SART1: variants seen among roughly 807,000 people sequenced by gnomAD.
SART1 encodes U4/U6.U5 tri-snRNP-associated protein 1.
Under a neutral mutation model 105.0 loss-of-function variants are expected in SART1, and 28 were observed. The observed-to-expected ratio is 0.27, with a 90% CI of 0.20 to 0.37. The LOEUF is 0.37. SART1 is among the 10% of genes least tolerant of loss of function. SART1 has a pLI of 1.00. For missense variants in SART1, 894 were observed against 1,106.5 expected, an observed-to-expected ratio of 0.81 and a Z score of 2.72; for synonymous variants, 472 against 462.9, an observed-to-expected ratio of 1.02 and a Z score of -0.25.
At chr11:65,969,613 G>T (rs1033060600) in intron 12 of SART1, among the ~76,000 whole-genome samples, 1 of 152,162 alleles carries the variant, frequency 6.6e-6, no homozygotes, top group African/African-American at 2.4e-5. Context: ...GTGGGTCTCA[G>T]TGTGTTGCCC....
At chr11:65,967,629 C>A (rs781635200) in intron 11 of SART1, 43 bp downstream of exon 11, 1 of 1,601,050 alleles carries the variant, frequency 6.2e-7, no homozygotes, top group East Asian at 2.3e-5. Flanking sequence ...GGACAGGAGC[C>A]GCGGGTTGGA....
intron 16 of SART1, 51 bp downstream of exon 16, chr11:65,977,704 GC>G (rs768391119): frequency 6.2e-7 from 1 of 1,613,952 alleles, no homozygotes; most frequent in South Asian, 1.1e-5. Context: ...CCAGCTTGGA[GC>G]TTCGGGACCA....
At position 65,978,514 on chromosome 11, in the gene SART1, C is replaced by T. The variant is rs11227369; in HGVS notation, c.2173-86C>T. On this transcript the variant is annotated intron_variant, in intron 17 of 19. Coordinates refer to ENST00000312397, the MANE Select transcript of SART1 (RefSeq NM_005146.5). This position sits in a 1 kb window ranked among gnomAD's most constrained non-coding sequence, Gnocchi z 6.8. ...CCTGGCATTGGGGTCAATCAACACC[C>T]GCCCTGTTATTATACACCTTGTGGG... 4.4e-3 allele frequency: 5,913 copies of T among 1,329,896 alleles called. 188 individuals carry two copies. The East Asian group carries it at 0.091, about 20-fold the overall frequency. The allele number at this position is 1,329,896 out of a possible 1,614,324, so 82.4% of individuals were successfully genotyped here. A position where few individuals can be genotyped will look rare whatever the true frequency, so the allele number is the denominator to read the frequency against.
In SART1 at chr11:65,967,605, G is replaced by A. The variant is rs370163896; in HGVS notation, c.1429+19G>A. ...GATGAGGGTGAGGGCCCGGCCAGGG[G>A]GTGGGAGGGGCAGGGACAGGAGCCG... is the stretch of plus-strand genomic sequence containing the variant. On this transcript the variant is annotated intron_variant, in intron 11 of 19. Transcript: ENST00000312397. 1 of 1,609,564 alleles carries A rather than the reference G, an allele frequency of 6.2e-7. No homozygotes were observed. The highest frequency in any genetic ancestry group is 8.5e-7 in the Non-Finnish European group (1 of 1,178,656).
chr11:65,976,593 C>G lies in SART1; in HGVS notation c.1746+25C>G, dbSNP rs1232917499. 5.6e-6 allele frequency: 9 copies of G among 1,613,578 alleles called. No homozygotes were observed. Among genetic ancestry groups the G allele is most frequent in the Admixed American group, 1.7e-5 (1 of 59,992 alleles). The stretch of plus-strand genomic sequence containing the variant: ...GGTGCGTCTGGGGCGGCCCCGCCCT[C>G]TGCTTCCCTCGGCTGGGTGGGCTGG... On this transcript the variant is annotated intron_variant, in intron 13 of 19. Transcript: ENST00000312397. This position sits in a 1 kb window ranked among gnomAD's most constrained non-coding sequence, Gnocchi z 5.1.
In SART1 at chr11:65,967,451, G is replaced by A; in HGVS notation, c.1314-20G>A. On this transcript the variant is annotated intron_variant, in intron 10 of 19. Coordinates refer to ENST00000312397, the MANE Select transcript of SART1 (RefSeq NM_005146.5). Reference sequence around the variant, plus strand: ...GTGGCCTGGGGACCGGTGCTCACCAGAGAGGCCTCCTTCCCTCAGACTGCG... The same window carrying A: ...GTGGCCTGGGGACCGGTGCTCACCAAAGAGGCCTCCTTCCCTCAGACTGCG... The A allele has an allele frequency of 1.2e-6, 2 of 1,613,758 alleles. No individual in the cohort carries two copies. Among genetic ancestry groups the A allele is most frequent in the Non-Finnish European group, 1.7e-6 (2 of 1,179,884 alleles).
In SART1 at chr11:65,962,107, G is replaced by A; in HGVS notation, c.313+14G>A. The A allele has an allele frequency of 2.6e-6, 3 of 1,142,086 alleles. No individual in the cohort carries two copies. Among genetic ancestry groups the A allele is most frequent in the Non-Finnish European group, 3.4e-6 (3 of 880,234 alleles). The allele number at this position is 1,142,086 out of a possible 1,614,324, so 70.7% of individuals were successfully genotyped here. ...GCTACGAGGCCGGTGAGGAGGCGGG[G>A]CCTGCGCAGGGGGCGGGTCGGGCGG... On this transcript the variant is annotated intron_variant, in intron 1 of 19. Transcript: ENST00000312397.
chr11:65,964,635 G>C (rs1855210244), intron 3 of SART1, 65 bp downstream of exon 3: 1 of 1,536,702 alleles, frequency 6.5e-7, no homozygotes, highest in Admixed American at 2.0e-5. Context: ...TTTGAAGAAG[G>C]TGGGGTTAGA....
rs1319789302 is a variant in SART1, at chr11:65,963,946, T to G, written c.314-128T>G. ...GGAGCTTGGGTGGAAGAAGCTGCTGTTTTCTGGTGTTTCAGCAGGCCCAGG... is the reference window on the plus strand; with the variant it reads ...GGAGCTTGGGTGGAAGAAGCTGCTGGTTTCTGGTGTTTCAGCAGGCCCAGG... On this transcript the variant is annotated intron_variant, in intron 1 of 19. Transcript: ENST00000312397. 6.9e-6 allele frequency: 5 copies of G among 729,640 alleles called. No individual in the cohort carries two copies. The East Asian group carries it at 1.3e-4, about 20-fold the overall frequency. The allele number at this position is 729,640 out of a possible 1,614,324, so 45.2% of individuals were successfully genotyped here. A position where few individuals can be genotyped will look rare whatever the true frequency, so the allele number is the denominator to read the frequency against.
At chr11:65,964,037 G>A (rs1341721648) in intron 1 of SART1, 37 bp from the exon 2 acceptor site, 1 of 1,602,224 alleles carries the variant, frequency 6.2e-7, no homozygotes, top group East Asian at 2.2e-5. Flanking sequence ...TCTTGGCCCT[G>A]TGTTCAGCTC....
rs989786206 is a variant in SART1 at position 65,978,650 on chromosome 11, G to A, written c.2223G>A (p.Met741Ile). Residue 741 changes from methionine (M) to isoleucine (I), a missense_variant, in exon 18 of 20, where the codon ATG becomes ATA. Coordinates refer to ENST00000312397, the MANE Select transcript of SART1 (RefSeq NM_005146.5). This position sits in a 1 kb window ranked among gnomAD's most constrained non-coding sequence, Gnocchi z 6.8. ...HRFHGKGSGK[M>I]KTERRMKKLD... is the part of the protein sequence containing the mutation. Reference sequence around the variant, plus strand: ...TCCATGGCAAGGGCTCAGGCAAGATGAAGACAGAGCGGCGGATGAAGAAGC... The same window carrying A: ...TCCATGGCAAGGGCTCAGGCAAGATAAAGACAGAGCGGCGGATGAAGAAGC... 5.6e-6 allele frequency: 9 copies of A among 1,594,390 alleles called. No individual in the cohort carries two copies. The highest frequency in any genetic ancestry group is 6.8e-6 in the Non-Finnish European group (8 of 1,170,620).
chr11:65,973,437 G>A (rs1483730656), intron 12 of SART1, among the ~76,000 whole-genome samples: 2 of 152,174 alleles, frequency 1.3e-5, no homozygotes, highest in African/African-American at 4.8e-5. Context: ...AGTTTCAGGA[G>A]GGATCACAGA....
intron 12 of SART1, among the ~76,000 whole-genome samples, chr11:65,969,923 C>T (rs755734396): frequency 5.9e-5 from 9 of 152,048 alleles, no homozygotes; most frequent in Non-Finnish European, 1.2e-4. Context: ...AGGGTTTCAC[C>T]GTGTTGGTCA....
rs1376967499 is a variant in SART1 at position 65,977,605 on chromosome 11, C to T, written c.1988C>T (p.Ala663Val). 6.2e-7 allele frequency: 1 copy of T among 1,613,960 alleles called. No homozygotes were observed. The highest frequency in any genetic ancestry group is 1.3e-5 in the African/African-American group (1 of 75,012). ...TTVQKVARVKAPNKSLPSAVY... is the reference protein window; with the variant it reads ...TTVQKVARVKVPNKSLPSAVY... ...GTGCAGAAGGTGGCCCGGGTGAAGG[C>T]CCCCAACAAGTCGCTGCCCTCAGCC... is the stretch of plus-strand genomic sequence containing the variant. The change falls in exon 16 of 20, where the codon GCC becomes GTC. Residue 663 changes from alanine to valine, a missense_variant. Coordinates refer to ENST00000312397, the MANE Select transcript of SART1 (RefSeq NM_005146.5).
intron 9 of SART1, 56 bp downstream of exon 9, chr11:65,966,612 C>G: frequency 7.0e-7 from 1 of 1,426,328 alleles, no homozygotes; most frequent in Non-Finnish European, 9.2e-7. Flanking sequence ...CTCTGGGGCT[C>G]CTGCCCTGCC....
At chr11:65,968,577 G>A (rs529505764) in intron 12 of SART1, among the ~76,000 whole-genome samples, 1 of 152,330 alleles carries the variant, frequency 6.6e-6, no homozygotes, top group East Asian at 1.9e-4. Context: ...GGAGAGTGCA[G>A]GGAAGACCTT....
chr11:65,968,488 G>C (rs904215928), intron 12 of SART1, among the ~76,000 whole-genome samples: 3 of 152,146 alleles, frequency 2.0e-5, no homozygotes, highest in African/African-American at 7.2e-5. Context: ...GTTAATGCAG[G>C]AACGGTAATT....
At chr11:65,964,028 C>T (rs756143107) in intron 1 of SART1, 46 bp from the exon 2 acceptor site, 34 of 1,591,152 alleles carry the variant, frequency 2.1e-5, no homozygotes, top group Admixed American at 3.3e-5. Flanking sequence ...ATGCTGGCTT[C>T]TTGGCCCTGT....
chr11:65,976,267 A>C lies in SART1; in HGVS notation c.1573-128A>C. On this transcript the variant is annotated intron_variant, in intron 12 of 19. Transcript: ENST00000312397. This position sits in a 1 kb window ranked among gnomAD's most constrained non-coding sequence, Gnocchi z 5.1. ...AGAGTGGAGTTAGGCGGCAGATAGC[A>C]GCTGGGCCTGCATGGGCTGTGGGCG... 2 of 892,732 alleles carry C rather than the reference A, an allele frequency of 2.2e-6. No individual in the cohort carries two copies. The allele number at this position is 892,732 out of a possible 1,614,324, so 55.3% of individuals were successfully genotyped here. A position where few individuals can be genotyped will look rare whatever the true frequency, so the allele number is the denominator to read the frequency against.
Sources: allele counts gnomAD v4.1 joint callset (sites outside exome capture counted in the v4.1 genomes callset), GRCh38; gene constraint gnomAD v4.1.1; non-coding constraint Gnocchi (gnomAD v3.1); transcripts MANE v1.5; gene names NCBI Gene and HGNC (gene_info 2026-07-23, HGNC 2026-07-21).